Variants in VTI1A observed in about 807,000 individuals in gnomAD.
VTI1A encodes vesicle transport through interaction with t-SNAREs homolog 1A.
VTI1A carries 22 observed loss-of-function variants against 34.9 expected under a neutral mutation model. That is an observed-to-expected ratio of 0.63 (90% CI 0.45 to 0.90). VTI1A has a LOEUF of 0.90. VTI1A is among the 40% of genes least tolerant of loss of function. The pLI, the probability that VTI1A is intolerant of heterozygous loss-of-function variation, is 0.00. For synonymous variants in VTI1A, 87 were observed against 97.3 expected, an observed-to-expected ratio of 0.89 and a Z score of 0.62; for missense variants, 268 against 275.6, an observed-to-expected ratio of 0.97 and a Z score of 0.20.
intron 5 of VTI1A, among the ~76,000 whole-genome samples, chr10:112,667,666 G>T (rs1847692242): frequency 2.0e-5 from 3 of 152,162 alleles, no homozygotes; most frequent in Admixed American, 2.0e-4. Context: ...ACAGCCACTG[G>T]TAACACGTTA....
intron 5 of VTI1A, among the ~76,000 whole-genome samples, chr10:112,589,028 T>G (rs1195402898): frequency 6.6e-6 from 1 of 151,648 alleles, no homozygotes; most frequent in East Asian, 1.9e-4. Flanking sequence ...CTTTTTTTTT[T>G]TTTTTTTTTT....
intron 7 of VTI1A, among the ~76,000 whole-genome samples, chr10:112,746,449 C>G (rs1328177635): frequency 6.6e-6 from 1 of 152,206 alleles, no homozygotes; most frequent in African/African-American, 2.4e-5. Flanking sequence ...GATAAACCCT[C>G]TGGTGTGTGC....
chr10:112,830,658 C>T, the VTI1A span, among the ~76,000 whole-genome samples: 2 of 150,016 alleles, frequency 1.3e-5, no homozygotes, highest in South Asian at 4.3e-4. Flanking sequence ...AGAGCCTGTA[C>T]CAGGGACCAG....
rs1277066740 is a variant in VTI1A at position 112,625,642 on chromosome 10, A to G, written c.428-42576A>G. ...GCAACAAGAGTGAAACTCTGTCTCAAAAAAAAAAAAGGAAAACCAAACATC... is the reference window on the plus strand; with the variant it reads ...GCAACAAGAGTGAAACTCTGTCTCAGAAAAAAAAAAGGAAAACCAAACATC... On this transcript the variant is annotated intron_variant, in intron 5 of 7. Transcript: ENST00000393077. 2.7e-5 allele frequency among the ~76,000 whole-genome samples: 4 copies of G among 149,604 alleles called. No individual in the cohort carries two copies. The East Asian group carries it at 7.8e-4, about 29-fold the overall frequency.
At chr10:112,449,533 C>G (rs916008753) in intron 1 of VTI1A, 1 of 152,232 alleles carries the variant, frequency 6.6e-6, no homozygotes, top group African/African-American at 2.4e-5. Context: ...GCAGACGGAT[C>G]ACCTGAGGTC....
At chr10:112,735,734 A>G (rs1418568299) in intron 7 of VTI1A, among the ~76,000 whole-genome samples, 5 of 152,134 alleles carry the variant, frequency 3.3e-5, no homozygotes, top group African/African-American at 1.2e-4. Flanking sequence ...GGGTTATGTG[A>G]ATTGGCTTTT....
intron 7 of VTI1A, among the ~76,000 whole-genome samples, chr10:112,685,322 A>C (rs1848366342): frequency 6.6e-6 from 1 of 152,194 alleles, no homozygotes; most frequent in Non-Finnish European, 1.5e-5. Context: ...TGTTTTAAAA[A>C]TAATTTTTTT....
intron 5 of VTI1A, among the ~76,000 whole-genome samples, chr10:112,635,839 C>G (rs1302559605): frequency 1.3e-5 from 2 of 152,138 alleles, no homozygotes; most frequent in Non-Finnish European, 2.9e-5. Context: ...AGGCACATAG[C>G]AAGAAGCTGT....
At chr10:112,697,222 C>G (rs1848820375) in intron 7 of VTI1A, among the ~76,000 whole-genome samples, 1 of 145,754 alleles carries the variant, frequency 6.9e-6, no homozygotes, top group Non-Finnish European at 1.5e-5. Flanking sequence ...CAGACAGGGT[C>G]TTGCTCTGTT....
intron 7 of VTI1A, among the ~76,000 whole-genome samples, chr10:112,794,126 G>C (rs562757654): frequency 1.3e-5 from 2 of 152,220 alleles, no homozygotes; most frequent in South Asian, 4.1e-4. Context: ...TTTGTACTGT[G>C]GGGAAGAGGG....
At chr10:112,491,772 CAT>C (rs1848832882) in intron 3 of VTI1A, among the ~76,000 whole-genome samples, 1 of 152,176 alleles carries the variant, frequency 6.6e-6, no homozygotes, top group Non-Finnish European at 1.5e-5. Context: ...TCAGTCATCA[CAT>C]GTGGATGGTA....
chr10:112,550,544 A>G (rs953212276), intron 5 of VTI1A, among the ~76,000 whole-genome samples: 1 of 152,116 alleles, frequency 6.6e-6, no homozygotes, highest in Non-Finnish European at 1.5e-5. Context: ...TTTCGTCTGT[A>G]TTTCCTCTTG....
chr10:112,814,529 G>C (rs572997136), intron 7 of VTI1A, among the ~76,000 whole-genome samples: 1 of 152,100 alleles, frequency 6.6e-6, no homozygotes, highest in Non-Finnish European at 1.5e-5. Context: ...ATCTGGGAGC[G>C]TGTGTCTCCA....
chr10:112,575,433 C>G lies in VTI1A; in HGVS notation c.427+37103C>G, dbSNP rs545489288. 6.0e-4 allele frequency among the ~76,000 whole-genome samples: 92 copies of G among 152,300 alleles called. No individual in the cohort carries two copies. In the Middle Eastern group the frequency reaches 0.027, roughly 45 times the overall value. On this transcript the variant is annotated intron_variant, in intron 5 of 7. Coordinates refer to ENST00000393077, the MANE Select transcript of VTI1A (RefSeq NM_145206.4). ...TGTTTAAATATCACTGATATTTATCCTCTCTTTGCAAGAGTGGATATTGAT... is the reference window on the plus strand; with the variant it reads ...TGTTTAAATATCACTGATATTTATCGTCTCTTTGCAAGAGTGGATATTGAT...
At chr10:112,644,250 T>C (rs1391083442) in intron 5 of VTI1A, among the ~76,000 whole-genome samples, 3 of 152,220 alleles carry the variant, frequency 2.0e-5, no homozygotes, top group Non-Finnish European at 2.9e-5. Context: ...CAGAGAAAAC[T>C]ATCAATCAGG....
intron 5 of VTI1A, among the ~76,000 whole-genome samples, chr10:112,574,971 C>T (rs1362335009): frequency 6.6e-6 from 1 of 152,170 alleles, no homozygotes; most frequent in Non-Finnish European, 1.5e-5. Context: ...TCAACCATTT[C>T]ATTTTACCAG....
chr10:112,580,428 C>T (rs1298722884), intron 5 of VTI1A, among the ~76,000 whole-genome samples: 1 of 152,116 alleles, frequency 6.6e-6, no homozygotes, highest in Non-Finnish European at 1.5e-5. Context: ...GTCAAGGTGA[C>T]TCAGCAGGAG....
chr10:112,550,181 G>GT (rs1343949032), intron 5 of VTI1A, among the ~76,000 whole-genome samples: 1 of 152,136 alleles, frequency 6.6e-6, no homozygotes. Context: ...TTGCATCTCT[G>GT]TGAGTTTAGA....
chr10:112,678,716 A>C (rs921979282), intron 7 of VTI1A, among the ~76,000 whole-genome samples: 4 of 152,210 alleles, frequency 2.6e-5, no homozygotes, highest in Non-Finnish European at 5.9e-5. Flanking sequence ...GGACAAAGCA[A>C]GCTCAGTAAC....
Sources: allele counts gnomAD v4.1 joint callset (sites outside exome capture counted in the v4.1 genomes callset), GRCh38; gene constraint gnomAD v4.1.1; transcripts MANE v1.5; gene names NCBI Gene and HGNC (gene_info 2026-07-23, HGNC 2026-07-21).